Variants in TANC1 observed in about 807,000 individuals in gnomAD.
TANC1 encodes the protein protein TANC1.
In TANC1, 77 loss-of-function variants were observed where a neutral mutation model predicts 149.7. The observed-to-expected ratio is 0.51, with a 90% CI of 0.43 to 0.62. TANC1 has a LOEUF of 0.62. Ranked by LOEUF, TANC1 falls within the 20% of genes least tolerant of loss-of-function variation. The pLI is 0.00. For missense variants in TANC1, 1,985 were observed against 2,321.8 expected, an observed-to-expected ratio of 0.85 and a Z score of 2.98; for synonymous variants, 854 against 925.0, an observed-to-expected ratio of 0.92 and a Z score of 1.39.
At chr2:159,171,247 A>G (rs750116309) in intron 10 of TANC1, among the ~76,000 whole-genome samples, 2 of 152,238 alleles carry the variant, frequency 1.3e-5, no homozygotes, top group Non-Finnish European at 2.9e-5. Context: ...AGAGTAGCCA[A>G]ATGTTTGACT....
intron 11 of TANC1, among the ~76,000 whole-genome samples, chr2:159,174,367 C>A (rs539052245): frequency 6.6e-6 from 1 of 152,092 alleles, no homozygotes; most frequent in Admixed American, 6.5e-5. Flanking sequence ...TTGGTGATTT[C>A]GGGTTTCATT....
chr2:159,154,173 G>A (rs2053172916), intron 7 of TANC1, among the ~76,000 whole-genome samples: 1 of 152,188 alleles, frequency 6.6e-6, no homozygotes, highest in Admixed American at 6.5e-5. Context: ...TTGGGCAGCT[G>A]TGGGCTCAAA....
chr2:159,179,464 G>A (rs1228752370), intron 14 of TANC1, among the ~76,000 whole-genome samples: 2 of 151,852 alleles, frequency 1.3e-5, no homozygotes, highest in Non-Finnish European at 2.9e-5. Flanking sequence ...ATGGAGCCCC[G>A]TCTCCTCCCC....
intron 1 of TANC1, among the ~76,000 whole-genome samples, chr2:158,984,512 GT>G (rs2034785336): frequency 6.6e-6 from 1 of 152,196 alleles, no homozygotes; most frequent in South Asian, 2.1e-4. Flanking sequence ...ATTTTCATTT[GT>G]CAGCGGGTGG....
Position 159,062,944 on chromosome 2 carries a change from G to A in TANC1, c.-15-2952G>A, listed in dbSNP as rs1372055228. Among the ~76,000 whole-genome samples the A allele has an allele frequency of 3.8e-4, 44 of 115,596 alleles. No individual in the cohort carries two copies. In the East Asian group the frequency reaches 5.4e-3, roughly 14 times the overall value. The allele number at this position is 115,596 out of a possible 152,430, so 75.8% of individuals were successfully genotyped here. A position where few individuals can be genotyped will look rare whatever the true frequency, so the allele number is the denominator to read the frequency against. ...ATTGCACCACTGCAGTCCGCAGTCCGGCCTGGGCGACAGAGCGAGACTCCG... is the reference window on the plus strand; with the variant it reads ...ATTGCACCACTGCAGTCCGCAGTCCAGCCTGGGCGACAGAGCGAGACTCCG... On this transcript the variant is annotated intron_variant, in intron 2 of 26. Coordinates refer to ENST00000263635, the MANE Select transcript of TANC1 (RefSeq NM_033394.3).
intron 11 of TANC1, among the ~76,000 whole-genome samples, chr2:159,173,804 T>C (rs533622856): frequency 6.6e-6 from 1 of 152,318 alleles, no homozygotes; most frequent in Middle Eastern, 3.4e-3. Flanking sequence ...CTGTTGATGA[T>C]AAATTTAATC....
chr2:158,990,226 G>A (rs1289734047), intron 1 of TANC1, among the ~76,000 whole-genome samples: 1 of 152,206 alleles, frequency 6.6e-6, no homozygotes, highest in Non-Finnish European at 1.5e-5. Flanking sequence ...GTGAGCCACA[G>A]CACCCGGCCA....
intron 24 of TANC1, chr2:159,227,107 A>C (rs1234971963): frequency 2.6e-5 from 4 of 152,234 alleles, no homozygotes; most frequent in African/African-American, 9.6e-5. Context: ...ACAAATAAAT[A>C]GGCAATATAG....
chr2:158,982,639 G>T (rs1039791357), intron 1 of TANC1, among the ~76,000 whole-genome samples: 2 of 152,170 alleles, frequency 1.3e-5, no homozygotes, highest in Non-Finnish European at 2.9e-5. Context: ...ACAGGGTTTT[G>T]CTCTGTTGCC....
At chr2:159,183,423 C>T (rs542639189) in intron 14 of TANC1, among the ~76,000 whole-genome samples, 47 of 152,258 alleles carry the variant, frequency 3.1e-4, no homozygotes, top group Admixed American at 2.2e-3. Context: ...TGGCATGACT[C>T]GGTGAGGAAG....
intron 22 of TANC1, 112 bp downstream of exon 22, chr2:159,219,979 T>A (rs777264127): frequency 2.9e-3 from 502 of 172,462 alleles, no homozygotes; most frequent in African/African-American, 0.029. Flanking sequence ...CATCAGAGAG[T>A]GTGTGTGTGT....
In TANC1 at chr2:159,225,406, C is replaced by T. The variant is rs2059961364; in HGVS notation, c.3812-282C>T. On this transcript the variant is annotated intron_variant, in intron 23 of 26. Coordinates refer to ENST00000263635, the MANE Select transcript of TANC1 (RefSeq NM_033394.3). ...GCTAAGGCCTCATTTAATTAATTTT[C>T]CCCACATCCCACCCGGAAGGGAGGA... is the stretch of plus-strand genomic sequence containing the variant. 6 of 506,562 alleles carry T rather than the reference C, an allele frequency of 1.2e-5. No homozygotes were observed. In the Admixed American group the frequency reaches 1.7e-4, roughly 14 times the overall value. The allele number at this position is 506,562 out of a possible 1,614,324, so 31.4% of individuals were successfully genotyped here. A position where few individuals can be genotyped will look rare whatever the true frequency, so the allele number is the denominator to read the frequency against.
chr2:159,186,838 G>A (rs2057008250), intron 15 of TANC1, 64 bp from the exon 16 acceptor site: 2 of 1,606,968 alleles, frequency 1.2e-6, no homozygotes, highest in African/African-American at 2.7e-5. Flanking sequence ...CCTGCAGGTG[G>A]GAAGGAGATG....
At chr2:159,186,708 G>A (rs2056994025) in intron 15 of TANC1, 194 bp from the exon 16 acceptor site, 1 of 602,140 alleles carries the variant, frequency 1.7e-6, no homozygotes, top group Non-Finnish European at 2.9e-6. Context: ...AAGGCAGGCT[G>A]GTTCCTTGAC....
At position 159,149,255 on chromosome 2, in the gene TANC1, G is replaced by C. The variant is rs772440275; in HGVS notation, c.478G>C (p.Asp160His). The C allele has an allele frequency of 1.2e-6, 2 of 1,614,154 alleles. No individual in the cohort carries two copies. Among genetic ancestry groups the C allele is most frequent in the Non-Finnish European group, 1.7e-6 (2 of 1,180,018 alleles). The change falls in exon 6 of 27, where the codon GAC (aspartate) becomes CAC (histidine). Residue 160 changes from aspartate (D) to histidine (H), a missense_variant. This residue lies in a region of TANC1 where 557 missense variants were observed against 612.9 expected (regional missense o/e 0.91). Coordinates refer to ENST00000263635, the MANE Select transcript of TANC1 (RefSeq NM_033394.3). ...AAGTGCCACACACATAACCATTGAAGACAAAAATGAAACCATGGTAATGCC... is the reference window on the plus strand; with the variant it reads ...AAGTGCCACACACATAACCATTGAACACAAAAATGAAACCATGGTAATGCC... ...IPSATHITIE[D>H]KNETMCTALS...
chr2:159,160,623 A>G (rs59650402), intron 7 of TANC1, among the ~76,000 whole-genome samples: 1,676 of 152,302 alleles, frequency 0.011, 33 homozygotes, highest in African/African-American at 0.037. Flanking sequence ...AGCTGAGCCA[A>G]GATGAGAGTG....
intron 4 of TANC1, among the ~76,000 whole-genome samples, chr2:159,130,268 A>G (rs1363247181): frequency 1.3e-5 from 2 of 152,238 alleles, no homozygotes. Flanking sequence ...ATGTAGTATT[A>G]CATTCTGGTT....
chr2:159,229,664 T>G lies in TANC1; in HGVS notation c.4238T>G (p.Val1413Gly). Reference sequence around the variant, plus strand: ...GAAGTCAAGAGGCTTCTGGCCCGCGTAGAAGAGGAGTGCAAACAACTCCAG... The same window carrying G: ...GAAGTCAAGAGGCTTCTGGCCCGCGGAGAAGAGGAGTGCAAACAACTCCAG... The part of the protein sequence containing the change: ...NQEVKRLLAR[V>G]EEECKQLQRS... Residue 1413 changes from valine to glycine, a missense_variant, in exon 27 of 27, where the codon GTA (valine) becomes GGA (glycine). Val to Gly is a moderately radical substitution (Grantham distance 109). Transcript: ENST00000263635. The G allele has an allele frequency of 6.2e-7, 1 of 1,613,924 alleles. No homozygotes were observed.
intron 19 of TANC1, among the ~76,000 whole-genome samples, chr2:159,213,471 T>TAG (rs1258428599): frequency 1.3e-5 from 2 of 151,584 alleles, no homozygotes; most frequent in Admixed American, 6.6e-5. Flanking sequence ...TAAATACCAT[T>TAG]CTGCTAATGG....
Sources: allele counts gnomAD v4.1 joint callset (sites outside exome capture counted in the v4.1 genomes callset), GRCh38; gene constraint gnomAD v4.1.1; regional missense constraint gnomAD v4.1.1; transcripts MANE v1.5; gene names NCBI Gene and HGNC (gene_info 2026-07-23, HGNC 2026-07-21).